The following CERT1 variants were observed in gnomAD, a reference collection of about 807,000 sequenced individuals.
The protein encoded by CERT1 is ceramide transporter 1.
CERT1 carries 31 observed loss-of-function variants against 87.9 expected under a neutral mutation model. That is an observed-to-expected ratio of 0.35 (90% CI 0.27 to 0.48). CERT1 has a LOEUF of 0.48. CERT1 is among the 20% of genes least tolerant of loss of function. CERT1 has a pLI of 0.99. For synonymous variants in CERT1, 289 were observed against 250.9 expected (o/e 1.15, Z -1.44); for missense variants, 487 against 758.0 (o/e 0.64, Z 4.20).
At chr5:75,374,894 G>C (rs754580624), downstream of CERT1, 2 of 383,208 alleles carry the variant, frequency 5.2e-6, no homozygotes, top group Non-Finnish European at 1.0e-5. Flanking sequence ...CATGCTGAGT[G>C]TATCTGTGCC....
At chr5:75,498,461 A>G (rs760277843) in intron 2 of CERT1, among the ~76,000 whole-genome samples, 2 of 152,210 alleles carry the variant, frequency 1.3e-5, no homozygotes, top group Non-Finnish European at 2.9e-5. Context: ...TGCTTTGTGC[A>G]GTCTTGGGAC....
chr5:75,395,555 CAA>C (rs35109034), intron 11 of CERT1, among the ~76,000 whole-genome samples: 8 of 48,010 alleles, frequency 1.7e-4, no homozygotes, highest in Non-Finnish European at 2.5e-4. Flanking sequence ...TGTCTCTTTA[CAA>C]AAAAAAAAAA....
intron 7 of CERT1, among the ~76,000 whole-genome samples, 178 bp downstream of exon 7, chr5:75,416,698 G>A (rs565726280): frequency 6.6e-6 from 1 of 152,218 alleles, no homozygotes; most frequent in African/African-American, 2.4e-5. Context: ...ACAAGTAATT[G>A]GTGAATCTTG....
chr5:75,469,113 A>G (rs1765595936), intron 2 of CERT1, among the ~76,000 whole-genome samples: 1 of 152,080 alleles, frequency 6.6e-6, no homozygotes, highest in Non-Finnish European at 1.5e-5. Context: ...AATGGATTGA[A>G]ATAATAATTA....
chr5:75,389,518 CATATCA>C, intron 12 of CERT1, 68 bp downstream of exon 12: 1 of 1,088,838 alleles, frequency 9.2e-7, no homozygotes, highest in Non-Finnish European at 1.4e-6. Context: ...TATCCTTATT[CATATCA>C]ATAGTAATGA....
chr5:75,498,879 C>A (rs1158160276), intron 2 of CERT1, among the ~76,000 whole-genome samples: 1 of 152,216 alleles, frequency 6.6e-6, no homozygotes, highest in Admixed American at 6.5e-5. Context: ...TTGCACTGTG[C>A]ACCTGGAAAA....
intron 3 of CERT1, among the ~76,000 whole-genome samples, chr5:75,434,061 C>A (rs1561260570): frequency 6.6e-6 from 1 of 151,880 alleles, no homozygotes; most frequent in Non-Finnish European, 1.5e-5. Flanking sequence ...ACATCCTTGT[C>A]TTTTCCTGGT....
chr5:75,484,881 A>AT (rs1444401526), intron 2 of CERT1, among the ~76,000 whole-genome samples: 2 of 152,188 alleles, frequency 1.3e-5, no homozygotes, highest in African/African-American at 4.8e-5. Context: ...CCTAAAAGAT[A>AT]TTTACAGATC....
chr5:75,484,106 T>C (rs886845023), intron 2 of CERT1, among the ~76,000 whole-genome samples: 7 of 152,078 alleles, frequency 4.6e-5, no homozygotes, highest in African/African-American at 1.7e-4. Context: ...ATAGAGTTTT[T>C]ATGAATTCTC....
At position 75,418,910 on chromosome 5, in the gene CERT1, G is replaced by A. The variant is rs140319545; in HGVS notation, c.679+431C>T. 7.2e-5 allele frequency among the ~76,000 whole-genome samples: 11 copies of A among 152,282 alleles called. No homozygotes were observed. In the East Asian group the frequency reaches 1.7e-3, roughly 24 times the overall value. Reference sequence around the variant, plus strand: ...ATCTTGATTGTGTTGATAGTTTCACGAAAATATCCAAATTTATCAAATTAT... The same window carrying A: ...ATCTTGATTGTGTTGATAGTTTCACAAAAATATCCAAATTTATCAAATTAT... On this transcript the variant is annotated intron_variant, in intron 6 of 16. Coordinates refer to ENST00000643780, the MANE Select transcript of CERT1 (RefSeq NM_001379029.1).
chr5:75,456,138 G>T (rs1674348143), intron 3 of CERT1, among the ~76,000 whole-genome samples: 1 of 151,940 alleles, frequency 6.6e-6, no homozygotes, highest in Admixed American at 6.6e-5. Flanking sequence ...CATCTCACTA[G>T]CCCTGGTCTA....
At chr5:75,508,950 C>G (rs1319416685) in intron 1 of CERT1, among the ~76,000 whole-genome samples, 2 of 151,946 alleles carry the variant, frequency 1.3e-5, no homozygotes, top group Non-Finnish European at 2.9e-5. Context: ...CTAAGGCATG[C>G]ATCTTTTCCC....
chr5:75,459,004 A>G, intron 3 of CERT1, 61 bp downstream of exon 3: 2 of 874,112 alleles, frequency 2.3e-6, no homozygotes, highest in Non-Finnish European at 3.7e-6. Context: ...TTTTTTTTTA[A>G]GGTATTGTCA....
chr5:75,445,188 T>C (rs1303208779), intron 3 of CERT1, among the ~76,000 whole-genome samples: 1 of 152,256 alleles, frequency 6.6e-6, no homozygotes, highest in African/African-American at 2.4e-5. Flanking sequence ...AGACTAATTG[T>C]GTTCTTAAAC....
intron 11 of CERT1, among the ~76,000 whole-genome samples, chr5:75,391,264 C>T (rs1321979421): frequency 2.0e-5 from 3 of 152,156 alleles, no homozygotes; most frequent in Non-Finnish European, 4.4e-5. Flanking sequence ...ATTTTCTATA[C>T]CAAAGGATAT....
At chr5:75,446,938 C>G (rs1322200328) in intron 3 of CERT1, among the ~76,000 whole-genome samples, 1 of 152,154 alleles carries the variant, frequency 6.6e-6, no homozygotes, top group African/African-American at 2.4e-5. Context: ...GAGGGACCTG[C>G]AACAATAATG....
chr5:75,490,473 T>C (rs1766732141), intron 2 of CERT1, among the ~76,000 whole-genome samples: 1 of 152,150 alleles, frequency 6.6e-6, no homozygotes, highest in Non-Finnish European at 1.5e-5. Context: ...TGTCTACTCT[T>C]TCTTCAACAC....
At position 75,511,221 on chromosome 5, in the gene CERT1, C is replaced by T. The variant is rs200651209; in HGVS notation, c.-14G>A. The T allele has an allele frequency of 2.5e-6, 4 of 1,612,306 alleles. No homozygotes were observed. Among genetic ancestry groups the T allele is most frequent in the Non-Finnish European group, 2.5e-6 (3 of 1,179,600 alleles). On this transcript the variant is annotated 5_prime_UTR_variant, in exon 1 of 17. Transcript: ENST00000643780. ...ATTATCCGACATGGAGGCTCGACAACCGAGCAGGAGACCGGCCCCCGCTCC... is the reference window on the plus strand; with the variant it reads ...ATTATCCGACATGGAGGCTCGACAATCGAGCAGGAGACCGGCCCCCGCTCC...
chr5:75,490,099 G>A (rs1483090500), intron 2 of CERT1, among the ~76,000 whole-genome samples: 1 of 152,162 alleles, frequency 6.6e-6, no homozygotes, highest in East Asian at 1.9e-4. Context: ...CACAGGAACA[G>A]AAAACCAAAC....
Sources: gnomAD v4.1 joint callset for allele counts (sites outside exome capture counted in the v4.1 genomes callset) on GRCh38, gnomAD v4.1.1 for gene constraint, MANE v1.5 for transcripts, NCBI Gene and HGNC (gene_info 2026-07-23, HGNC 2026-07-21) for gene names.